The following ACTR3C variants were observed in gnomAD, a reference collection of about 807,000 sequenced individuals.
ACTR3C encodes the protein actin-related protein 3C.
In ACTR3C, 18 loss-of-function variants were observed where a neutral mutation model predicts 26.3. The observed-to-expected ratio is 0.68, with a 90% CI of 0.47 to 1.01. The LOEUF (loss-of-function observed/expected upper bound fraction) is 1.01, where lower values mean the gene tolerates loss of function less well. Ranked by LOEUF, ACTR3C falls within the 50% of genes least tolerant of loss-of-function variation. The probability of loss-of-function intolerance (pLI) is 0.00; values close to 1 mark genes in which losing one functional copy is unlikely to be tolerated. For synonymous variants in ACTR3C, 55 were observed against 94.5 expected (o/e 0.58, Z 2.42); for missense variants, 184 against 250.7 (o/e 0.73, Z 1.80).
the ACTR3C span, among the ~76,000 whole-genome samples, chr7:150,199,099 G>A: frequency 3.3e-5 from 5 of 150,590 alleles, no homozygotes; most frequent in Admixed American, 3.3e-4. Flanking sequence ...CCCCGTCTGG[G>A]AGGTGTGCCC....
chr7:150,129,284 C>T, the ACTR3C span, among the ~76,000 whole-genome samples: 1 of 152,042 alleles, frequency 6.6e-6, no homozygotes, highest in Non-Finnish European at 1.5e-5. Flanking sequence ...AAGTAACATA[C>T]TGAATGGTTG....
At chr7:150,025,752 C>T in the ACTR3C span, among the ~76,000 whole-genome samples, 4 of 152,218 alleles carry the variant, frequency 2.6e-5, no homozygotes, top group South Asian at 8.3e-4. Flanking sequence ...TGGGTACAAC[C>T]GGCTTATTGC....
At chr7:150,258,056 G>T (rs1326433860) in intron 6 of ACTR3C, among the ~76,000 whole-genome samples, 5 of 152,216 alleles carry the variant, frequency 3.3e-5, no homozygotes, top group Admixed American at 1.3e-4. Flanking sequence ...TTAATAGAGT[G>T]TCTGTAGTGG....
chr7:150,034,969 C>T, the ACTR3C span, among the ~76,000 whole-genome samples: 1 of 142,742 alleles, frequency 7.0e-6, no homozygotes, highest in Non-Finnish European at 1.6e-5. Context: ...TCAGTCCCCA[C>T]TCTCGTGGGG....
chr7:149,976,837 G>A, the ACTR3C span, among the ~76,000 whole-genome samples: 2 of 151,830 alleles, frequency 1.3e-5, no homozygotes, highest in African/African-American at 2.4e-5. Context: ...AAGGTCTGTC[G>A]AGTGGGGTAC....
At chr7:150,081,311 GAA>G in the ACTR3C span, among the ~76,000 whole-genome samples, 1 of 150,696 alleles carries the variant, frequency 6.6e-6, no homozygotes, top group Non-Finnish European at 1.5e-5. Flanking sequence ...AGAGAAGAGA[GAA>G]AAGAGAAAAG....
chr7:149,990,917 G>T, the ACTR3C span, among the ~76,000 whole-genome samples: 7 of 152,226 alleles, frequency 4.6e-5, no homozygotes, highest in Non-Finnish European at 8.8e-5. Flanking sequence ...AGCCAAAAGT[G>T]AGACCGGAAA....
the ACTR3C span, among the ~76,000 whole-genome samples, chr7:150,119,301 TAAAG>T: frequency 6.6e-6 from 1 of 152,138 alleles, no homozygotes; most frequent in Non-Finnish European, 1.5e-5. Flanking sequence ...GCAAATTGGA[TAAAG>T]AGTCAAGACC....
the ACTR3C span, among the ~76,000 whole-genome samples, chr7:150,069,808 G>A: frequency 2.0e-5 from 3 of 152,158 alleles, no homozygotes; most frequent in African/African-American, 4.8e-5. Context: ...AGGCTGGCAC[G>A]CTGGAAACAG....
chr7:150,086,105 T>C, the ACTR3C span, among the ~76,000 whole-genome samples: 1 of 152,084 alleles, frequency 6.6e-6, no homozygotes, highest in African/African-American at 2.4e-5. Flanking sequence ...TGCCTCAGCC[T>C]CCCAAGTAGC....
chr7:149,973,286 C>A, the ACTR3C span, among the ~76,000 whole-genome samples: 1 of 152,184 alleles, frequency 6.6e-6, no homozygotes, highest in Non-Finnish European at 1.5e-5. Flanking sequence ...CTGGCACTGG[C>A]ACCAACAGCC....
chr7:150,272,523 A>T (rs1412017195), intron 6 of ACTR3C, among the ~76,000 whole-genome samples: 1 of 139,174 alleles, frequency 7.2e-6, no homozygotes, highest in Non-Finnish European at 1.5e-5. Flanking sequence ...TGCTTGTTTC[A>T]CCTTCAGAGT....
At chr7:150,172,155 TTTAAGGGCACCTG>T in the ACTR3C span, among the ~76,000 whole-genome samples, 4 of 150,672 alleles carry the variant, frequency 2.7e-5, no homozygotes, top group African/African-American at 1.0e-4. Flanking sequence ...TTAAGAAAAT[TTTAAGGGCACCTG>T]ACCTTCATGT....
chr7:150,084,245 A>G, the ACTR3C span, among the ~76,000 whole-genome samples: 1 of 152,226 alleles, frequency 6.6e-6, no homozygotes, highest in East Asian at 1.9e-4. Flanking sequence ...TCTGAAAAAA[A>G]AAAAATAAAC....
chr7:150,068,738 G>A, the ACTR3C span, among the ~76,000 whole-genome samples: 1 of 139,908 alleles, frequency 7.1e-6, no homozygotes, highest in South Asian at 2.3e-4. Context: ...AGCCGAGATT[G>A]TGCCACTGCA....
At chr7:150,198,985 G>C in the ACTR3C span, among the ~76,000 whole-genome samples, 1 of 133,578 alleles carries the variant, frequency 7.5e-6, no homozygotes, top group Non-Finnish European at 1.5e-5. Flanking sequence ...GAGGTGGGGG[G>C]GGTCAGCCCC....
At chr7:150,242,149 G>C (rs1370503545), downstream of ACTR3C, among the ~76,000 whole-genome samples, 2 of 151,812 alleles carry the variant, frequency 1.3e-5, no homozygotes, top group Non-Finnish European at 2.9e-5. Flanking sequence ...CTGGGAGGTG[G>C]AGGCTGCAGT....
At chr7:150,126,628 A>C in the ACTR3C span, among the ~76,000 whole-genome samples, 7 of 151,578 alleles carry the variant, frequency 4.6e-5, no homozygotes, top group East Asian at 1.9e-4. Flanking sequence ...TCAAGGATGC[A>C]ATCCTGCAGT....
chr7:150,193,241 T>C, the ACTR3C span, among the ~76,000 whole-genome samples: 1 of 152,140 alleles, frequency 6.6e-6, no homozygotes, highest in African/African-American at 2.4e-5. Flanking sequence ...TTATGGCTTT[T>C]ATAAGCTTAT....
Sources: gnomAD v4.1 joint callset for allele counts (sites outside exome capture counted in the v4.1 genomes callset) on GRCh38, gnomAD v4.1.1 for gene constraint, MANE v1.5 for transcripts, NCBI Gene and HGNC (gene_info 2026-07-23, HGNC 2026-07-21) for gene names.